NEK11: variants seen among roughly 807,000 people sequenced by gnomAD.
NEK11 encodes serine/threonine-protein kinase Nek11.
Under a neutral mutation model 80.7 loss-of-function variants are expected in NEK11, and 72 were observed. The observed-to-expected ratio is 0.89, with a 90% CI of 0.74 to 1.08. The LOEUF (loss-of-function observed/expected upper bound fraction) is 1.08. Among genes scored for constraint, NEK11 ranks in the 50% least tolerant of loss-of-function variants. The pLI is 0.00. For synonymous variants in NEK11, 251 were observed against 260.7 expected (o/e 0.96, Z 0.36); for missense variants, 764 against 763.6 (o/e 1.00, Z -0.01).
intron 14 of NEK11, among the ~76,000 whole-genome samples, chr3:131,205,703 G>T (rs2094422440): frequency 1.3e-5 from 2 of 152,286 alleles, no homozygotes; most frequent in South Asian, 4.1e-4. Flanking sequence ...CCTGTTAATT[G>T]TCTCTAGAGC....
At chr3:131,104,097 A>G (rs2149293656) in intron 4 of NEK11, among the ~76,000 whole-genome samples, 2 of 152,274 alleles carry the variant, frequency 1.3e-5, no homozygotes, top group South Asian at 4.1e-4. Context: ...ACAAAAGAAG[A>G]TAGTTTGGCC....
intron 17 of NEK11, among the ~76,000 whole-genome samples, chr3:131,322,401 A>G (rs950942272): frequency 1.3e-5 from 2 of 152,182 alleles, no homozygotes; most frequent in African/African-American, 4.8e-5. Context: ...AATATACAGT[A>G]TACCCATGTA....
At chr3:131,096,831 C>A (rs1001818493) in intron 4 of NEK11, among the ~76,000 whole-genome samples, 1 of 150,554 alleles carries the variant, frequency 6.6e-6, no homozygotes, top group African/African-American at 2.4e-5. Context: ...GTATGCTGTA[C>A]CCATTAACTC....
At chr3:131,082,643 G>A (rs527998929) in intron 4 of NEK11, among the ~76,000 whole-genome samples, 2 of 152,110 alleles carry the variant, frequency 1.3e-5, no homozygotes, top group Non-Finnish European at 2.9e-5. Flanking sequence ...CCTCGCTACC[G>A]TATTAGACAT....
chr3:131,158,154 T>C (rs916192376), intron 10 of NEK11, among the ~76,000 whole-genome samples: 28 of 151,972 alleles, frequency 1.8e-4, no homozygotes, highest in African/African-American at 6.8e-4. Flanking sequence ...CTGCTTGCAG[T>C]GCAGCCACGG....
At chr3:131,145,483 T>C (rs2087980001) in intron 7 of NEK11, among the ~76,000 whole-genome samples, 2 of 152,166 alleles carry the variant, frequency 1.3e-5, no homozygotes, top group South Asian at 4.1e-4. Context: ...TCATAGTCTG[T>C]GTGCCCTATA....
At chr3:131,288,779 T>G (rs572342609) in intron 17 of NEK11, among the ~76,000 whole-genome samples, 14 of 152,208 alleles carry the variant, frequency 9.2e-5, no homozygotes, top group Non-Finnish European at 1.3e-4. Flanking sequence ...TGTGTTAATC[T>G]TACTCTTAGA....
At chr3:131,159,727 T>C (rs1391235074) in intron 10 of NEK11, among the ~76,000 whole-genome samples, 2 of 151,694 alleles carry the variant, frequency 1.3e-5, no homozygotes, top group African/African-American at 4.9e-5. Flanking sequence ...ACAGCACCAT[T>C]GCACTCCAGC....
At chr3:131,118,956 G>A (rs1156836349) in intron 5 of NEK11, among the ~76,000 whole-genome samples, 2 of 151,888 alleles carry the variant, frequency 1.3e-5, no homozygotes, top group Admixed American at 1.3e-4. Context: ...AGGGTTTTTT[G>A]TGTCTCTATC....
intron 16 of NEK11, among the ~76,000 whole-genome samples, chr3:131,250,341 G>C (rs1242764017): frequency 6.6e-6 from 1 of 151,992 alleles, no homozygotes; most frequent in Non-Finnish European, 1.5e-5. Context: ...TCAGAGAAAA[G>C]AGTGGTGTCT....
chr3:131,262,653 A>G (rs1581070529), intron 16 of NEK11, among the ~76,000 whole-genome samples: 1 of 152,272 alleles, frequency 6.6e-6, no homozygotes, highest in East Asian at 1.9e-4. Flanking sequence ...TAGTATTTTA[A>G]TAAAGGCAAA....
intron 3 of NEK11, among the ~76,000 whole-genome samples, chr3:131,042,994 A>G (rs918216516): frequency 6.6e-6 from 1 of 152,224 alleles, no homozygotes; most frequent in African/African-American, 2.4e-5. Context: ...ACCCCCAGAA[A>G]ATACCAGCAG....
chr3:131,261,352 G>A (rs1351715310), intron 16 of NEK11, among the ~76,000 whole-genome samples: 1 of 152,312 alleles, frequency 6.6e-6, no homozygotes, highest in East Asian at 1.9e-4. Context: ...ATATTTCACA[G>A]ATGAGAAGAG....
chr3:131,230,746 A>G (rs751929806), intron 15 of NEK11, among the ~76,000 whole-genome samples: 1 of 152,080 alleles, frequency 6.6e-6, no homozygotes, highest in Non-Finnish European at 1.5e-5. Flanking sequence ...TAAGTAATCT[A>G]TTGGGACAAG....
chr3:131,221,841 A>G (rs189187649), intron 14 of NEK11, among the ~76,000 whole-genome samples: 1 of 152,198 alleles, frequency 6.6e-6, no homozygotes, highest in Non-Finnish European at 1.5e-5. Flanking sequence ...GACGAGTGGC[A>G]TAGTTAGAAA....
chr3:131,239,354 T>A (rs551170367), intron 15 of NEK11, among the ~76,000 whole-genome samples: 1 of 152,152 alleles, frequency 6.6e-6, no homozygotes, highest in Non-Finnish European at 1.5e-5. Flanking sequence ...GGGGCTGTGA[T>A]AGAAGGTTAT....
Position 131,165,367 on chromosome 3 carries a change from A to T in NEK11, c.1083-59A>T, listed in dbSNP as rs1017365072. 6.6e-6 allele frequency: 7 copies of T among 1,060,280 alleles called. No homozygotes were observed. In the African/African-American group the frequency reaches 1.1e-4, roughly 17 times the overall value. The allele number at this position is 1,060,280 out of a possible 1,614,324, so 65.7% of individuals were successfully genotyped here. A position where few individuals can be genotyped will look rare whatever the true frequency, so the allele number is the denominator to read the frequency against. ...AATAAGGATCACACTCATCTGTATA[A>T]TATAGACATGGTTTTAGCAATTCGC... On this transcript the variant is annotated intron_variant, in intron 11 of 17. Transcript: ENST00000383366.
At position 131,058,639 on chromosome 3, in the gene NEK11, T is replaced by A. The variant is rs114410697; in HGVS notation, c.171-21784T>A. ...ATCTTCATCTCTTTATGCCTCAAGA[T>A]ATCACAGTTCCCTTAAGAGATTCAT... On this transcript the variant is annotated intron_variant, in intron 3 of 17. Transcript: ENST00000383366. Among the ~76,000 whole-genome samples the A allele has an allele frequency of 7.5e-3, 1,149 of 152,312 alleles. 13 individuals carry two copies. The highest frequency in any genetic ancestry group is 0.027 in the African/African-American group (1,114 of 41,578).
At position 131,152,670 on chromosome 3, in the gene NEK11, C is replaced by A. The variant is rs769704761; in HGVS notation, c.837C>A (p.Ile279=). The A allele has an allele frequency of 1.2e-6, 2 of 1,613,350 alleles. No individual in the cohort carries two copies. The highest frequency in any genetic ancestry group is 2.2e-5 in the East Asian group (1 of 44,882). Residue 279 remains isoleucine, a synonymous_variant, in exon 9 of 18, where the codon ATC becomes ATA. Coordinates refer to ENST00000383366, the MANE Select transcript of NEK11 (RefSeq NM_024800.5). ...ATCCTTCATTAAGACCATCTGCTAT[C>A]GAAATTTTAAAAATCCCTTACCTTG... ...NKNPSLRPSA[I]EILKIPYLDE...
Sources: allele counts gnomAD v4.1 joint callset (sites outside exome capture counted in the v4.1 genomes callset), GRCh38; gene constraint gnomAD v4.1.1; transcripts MANE v1.5; gene names NCBI Gene and HGNC (gene_info 2026-07-23, HGNC 2026-07-21).